The following NCR1 variants were observed in gnomAD, a reference collection of about 807,000 sequenced individuals.
NCR1 encodes natural cytotoxicity triggering receptor 1, also known as NK cell-activating receptor.
A neutral mutation model predicts 32.5 loss-of-function variants in NCR1; 30 were observed. That is an observed-to-expected ratio of 0.92 (90% CI 0.69 to 1.25). The LOEUF (loss-of-function observed/expected upper bound fraction) is 1.25, where lower values mean the gene tolerates loss of function less well. Among genes scored for constraint, NCR1 ranks in the 50% most tolerant of loss-of-function variants. The probability of loss-of-function intolerance (pLI) is 0.00; values close to 1 mark genes in which losing one functional copy is unlikely to be tolerated. For synonymous variants in NCR1, 169 were observed against 143.4 expected, an observed-to-expected ratio of 1.18 and a Z score of -1.28; for missense variants, 369 against 380.7, an observed-to-expected ratio of 0.97 and a Z score of 0.26.
downstream of NCR1, among the ~76,000 whole-genome samples, chr19:54,917,587 C>T (rs1439600521): frequency 4.6e-5 from 7 of 152,224 alleles, no homozygotes; most frequent in South Asian, 6.2e-4. Flanking sequence ...TCCCAAAGTG[C>T]GAGGATTACA....
intron 5 of NCR1, among the ~76,000 whole-genome samples, chr19:54,911,325 G>A (rs11084379): frequency 0.65 from 95,163 of 146,528 alleles, 33,289 homozygotes; most frequent in Non-Finnish European, 0.81. Context: ...CTCCAGCCTG[G>A]GCGACAGAGT....
intron 1 of NCR1, 30 bp downstream of exon 1, chr19:54,906,251 T>C: frequency 6.2e-7 from 1 of 1,614,128 alleles, no homozygotes; most frequent in Non-Finnish European, 8.5e-7. Flanking sequence ...GGGAATGGGA[T>C]CACGGTGTGC....
At chr19:54,933,456 T>G in the NCR1 span, 1 of 1,393,054 alleles carries the variant, frequency 7.2e-7, no homozygotes, top group African/African-American at 1.4e-5. Flanking sequence ...CTGCCTGTTC[T>G]TTAATTCTTA....
the NCR1 span, among the ~76,000 whole-genome samples, chr19:54,925,085 T>C: frequency 2.0e-5 from 3 of 152,118 alleles, no homozygotes; most frequent in Non-Finnish European, 2.9e-5. Context: ...GGGGTGGTGA[T>C]TGTGGAGACA....
the NCR1 span, chr19:54,933,508 C>T: frequency 3.2e-6 from 5 of 1,582,022 alleles, no homozygotes; most frequent in Admixed American, 5.0e-5. Flanking sequence ...TTAACAAGTA[C>T]TTTCATGTCT....
chr19:54,899,004 A>G, the NCR1 span, among the ~76,000 whole-genome samples: 22 of 152,204 alleles, frequency 1.4e-4, no homozygotes, highest in East Asian at 1.4e-3. Context: ...GGTCTGTAGA[A>G]AAGGAAGATT....
chr19:54,902,050 A>G (rs1170022702), upstream of NCR1, among the ~76,000 whole-genome samples: 2 of 152,234 alleles, frequency 1.3e-5, no homozygotes, highest in African/African-American at 4.8e-5. Context: ...TGGTAAAACA[A>G]GTGGTGAAAT....
the NCR1 span, among the ~76,000 whole-genome samples, chr19:54,900,196 C>G: frequency 7.7e-4 from 117 of 152,050 alleles, no homozygotes; most frequent in Non-Finnish European, 1.1e-3. Flanking sequence ...CACTCACGTC[C>G]GTGTGAAGAG....
chr19:54,931,894 A>G, the NCR1 span, among the ~76,000 whole-genome samples: 1 of 151,236 alleles, frequency 6.6e-6, no homozygotes, highest in Non-Finnish European at 1.5e-5. Context: ...ATCCATTTCC[A>G]GCTCTGCCTG....
At chr19:54,919,190 G>C (rs977383923), downstream of NCR1, among the ~76,000 whole-genome samples, 1 of 151,860 alleles carries the variant, frequency 6.6e-6, no homozygotes, top group Non-Finnish European at 1.5e-5. Flanking sequence ...GTGCGGCGAC[G>C]AGAGAGTGTA....
the NCR1 span, among the ~76,000 whole-genome samples, chr19:54,932,318 C>A: frequency 6.6e-6 from 1 of 151,754 alleles, no homozygotes; most frequent in African/African-American, 2.4e-5. Context: ...ATCCCAGCTA[C>A]TTGGGAGGCT....
rs944485967 is a variant in NCR1, at chr19:54,912,701, T to C, written c.745T>C (p.Trp249Arg). The part of the protein sequence containing the change: ...ETGLQKDHAL[W>R]DHTAQNLLRM... ...TCTCCTGCCTACAGACCATGCCCTC[T>C]GGGATCACACTGCCCAGAATCTCCT... The change falls in exon 7 of 7, where the codon TGG becomes CGG. Residue 249 changes from tryptophan to arginine, a missense_variant. Transcript: ENST00000291890. 2.2e-5 allele frequency: 35 copies of C among 1,587,892 alleles called. No homozygotes were observed. Among genetic ancestry groups the C allele is most frequent in the Non-Finnish European group, 2.9e-5 (34 of 1,161,714 alleles).
the NCR1 span, among the ~76,000 whole-genome samples, chr19:54,925,091 A>G: frequency 2.0e-5 from 3 of 152,124 alleles, no homozygotes; most frequent in South Asian, 4.1e-4. Flanking sequence ...GTGATTGTGG[A>G]GACACTGGCT....
intron 5 of NCR1, 97 bp downstream of exon 5, chr19:54,910,162 C>A (rs2067895366): frequency 3.2e-6 from 4 of 1,244,328 alleles, no homozygotes; most frequent in Non-Finnish European, 3.5e-6. Context: ...CGAGGCCAGG[C>A]GTGGTGGCTC....
the NCR1 span, among the ~76,000 whole-genome samples, chr19:54,900,201 G>A: frequency 6.6e-6 from 1 of 152,180 alleles, no homozygotes; most frequent in African/African-American, 2.4e-5. Context: ...ACGTCCGTGT[G>A]AAGAGACCAC....
the NCR1 span, chr19:54,936,491 A>T: frequency 7.2e-7 from 1 of 1,382,790 alleles, no homozygotes; most frequent in Non-Finnish European, 1.0e-6. Flanking sequence ...GTGTGGAGGC[A>T]TGTATAAACA....
At chr19:54,933,116 A>G in the NCR1 span, among the ~76,000 whole-genome samples, 1 of 151,698 alleles carries the variant, frequency 6.6e-6, no homozygotes, top group African/African-American at 2.4e-5. Flanking sequence ...AAATATTAAC[A>G]TGTTTCTACC....
chr19:54,918,915 C>T (rs1229500160), downstream of NCR1, among the ~76,000 whole-genome samples: 1 of 149,974 alleles, frequency 6.7e-6, no homozygotes, highest in African/African-American at 2.5e-5. Context: ...ACCCAGGAGG[C>T]GGAGGTTGCG....
chr19:54,913,346 G>A (rs1011532627), downstream of NCR1, among the ~76,000 whole-genome samples: 8 of 152,106 alleles, frequency 5.3e-5, 1 homozygote, highest in Admixed American at 3.3e-4. Context: ...AAGCCGCTGC[G>A]CCCAGCCACT....
Sources: allele counts gnomAD v4.1 joint callset (sites outside exome capture counted in the v4.1 genomes callset), GRCh38; gene constraint gnomAD v4.1.1; transcripts MANE v1.5; gene names NCBI Gene and HGNC (gene_info 2026-07-23, HGNC 2026-07-21).